Variants in TTC28 observed in about 807,000 individuals in gnomAD.
TTC28 encodes the protein tetratricopeptide repeat protein 28.
A neutral mutation model predicts 198.0 loss-of-function variants in TTC28; 61 were observed. The observed-to-expected ratio is 0.31, with a 90% CI of 0.25 to 0.38. The LOEUF is 0.38. TTC28 is among the 10% of genes least tolerant of loss of function. The pLI, the probability that TTC28 is intolerant of heterozygous loss-of-function variation, is 1.00. For synonymous variants in TTC28, 1,171 were observed against 1,297.8 expected (o/e 0.90, Z 2.10); for missense variants, 2,678 against 3,164.0 (o/e 0.85, Z 3.69).
At chr22:28,536,391 G>C (rs569599071) in intron 2 of TTC28, among the ~76,000 whole-genome samples, 1 of 151,630 alleles carries the variant, frequency 6.6e-6, no homozygotes, top group East Asian at 1.9e-4. Flanking sequence ...TTGGGAGGCC[G>C]AGGCGGGCGG....
At chr22:28,663,210 T>TGCA (rs2051778423) in intron 1 of TTC28, among the ~76,000 whole-genome samples, 1 of 145,830 alleles carries the variant, frequency 6.9e-6, no homozygotes, top group African/African-American at 2.6e-5. Flanking sequence ...ATAGTGCCGC[T>TGCA]GCACTCCAGC....
Position 28,014,285 on chromosome 22 carries a change from C to T in TTC28, c.4181G>A (p.Arg1394His), listed in dbSNP as rs1402461034. Residue 1394 changes from arginine to histidine, a missense_variant, in exon 14 of 23, where the codon CGT (arginine) becomes CAT (histidine). Transcript: ENST00000397906. Reference protein sequence around the residue: ...RQSSFAKPPLRALYDLLIAPM... With the variant: ...RQSSFAKPPLHALYDLLIAPM... ...CGCGATGAGCAGGTCATACAGGGCACGGAGCGGGGGCTTGGCAAACGAGCT... is the reference window on the plus strand; with the variant it reads ...CGCGATGAGCAGGTCATACAGGGCATGGAGCGGGGGCTTGGCAAACGAGCT... 3.3e-5 allele frequency: 51 copies of T among 1,551,584 alleles called. No homozygotes were observed. Among genetic ancestry groups the T allele is most frequent in the Non-Finnish European group, 4.4e-5 (50 of 1,146,956 alleles).
rs910414913 is a variant in TTC28 at position 28,583,995 on chromosome 22, G to T, written c.381+45557C>A. Among the ~76,000 whole-genome samples the T allele has an allele frequency of 3.7e-3, 463 of 125,230 alleles. 2 individuals carry two copies. The highest frequency in any genetic ancestry group is 0.012 in the African/African-American group (393 of 33,914). 82.2% of individuals were successfully genotyped at this position (125,230 alleles called of 152,430 possible). A position where few individuals can be genotyped will look rare whatever the true frequency, so the allele number is the denominator to read the frequency against. On this transcript the variant is annotated intron_variant, in intron 2 of 22. Coordinates refer to ENST00000397906, the MANE Select transcript of TTC28 (RefSeq NM_001145418.2). ...TTCTCTCTTTCTCCGTTTTTTTTTTGTTTTGTTTTTGTTTTGTTTTGTTTT... is the reference window on the plus strand; with the variant it reads ...TTCTCTCTTTCTCCGTTTTTTTTTTTTTTTGTTTTTGTTTTGTTTTGTTTT...
chr22:28,567,866 C>T (rs948616834), intron 2 of TTC28, among the ~76,000 whole-genome samples: 9 of 151,846 alleles, frequency 5.9e-5, no homozygotes, highest in Non-Finnish European at 1.0e-4. Context: ...GGGGAACGAG[C>T]GCTCAATCCT....
At chr22:28,129,740 T>C (rs1051940902) in intron 6 of TTC28, among the ~76,000 whole-genome samples, 1 of 152,186 alleles carries the variant, frequency 6.6e-6, no homozygotes, top group Non-Finnish European at 1.5e-5. Flanking sequence ...TGATGTCACT[T>C]TTTCCTATGT....
chr22:28,674,536 G>A (rs542676416), intron 1 of TTC28, among the ~76,000 whole-genome samples: 14 of 152,168 alleles, frequency 9.2e-5, no homozygotes, highest in African/African-American at 3.4e-4. Context: ...GTTAAGACCT[G>A]TTGGCTGGAG....
At chr22:28,427,560 A>G (rs1428953044) in intron 2 of TTC28, among the ~76,000 whole-genome samples, 5 of 152,226 alleles carry the variant, frequency 3.3e-5, no homozygotes, top group African/African-American at 1.2e-4. Context: ...GCACTGAGGC[A>G]GGAGAATCGC....
chr22:28,577,318 T>G (rs1391157092), intron 2 of TTC28, among the ~76,000 whole-genome samples: 1 of 152,142 alleles, frequency 6.6e-6, no homozygotes, highest in Middle Eastern at 3.2e-3. Context: ...TTTATTCCAT[T>G]GTGCTCAGAG....
intron 5 of TTC28, among the ~76,000 whole-genome samples, chr22:28,257,942 T>G (rs1467777822): frequency 6.6e-6 from 1 of 151,728 alleles, no homozygotes; most frequent in Admixed American, 6.6e-5. Flanking sequence ...CTCAGAAATC[T>G]TACTCCCTTT....
intron 2 of TTC28, among the ~76,000 whole-genome samples, chr22:28,447,261 T>C (rs1172689286): frequency 6.6e-6 from 1 of 151,808 alleles, no homozygotes; most frequent in Non-Finnish European, 1.5e-5. Flanking sequence ...AAAAAGGGAA[T>C]TGTGAGGATT....
At chr22:28,335,330 C>A (rs896535384) in intron 2 of TTC28, among the ~76,000 whole-genome samples, 5 of 152,132 alleles carry the variant, frequency 3.3e-5, no homozygotes, top group African/African-American at 1.2e-4. Flanking sequence ...ATTGACTTGG[C>A]AATGCGGGCT....
chr22:28,350,492 A>T (rs1472462542), intron 2 of TTC28, among the ~76,000 whole-genome samples: 1 of 152,196 alleles, frequency 6.6e-6, no homozygotes, highest in Non-Finnish European at 1.5e-5. Flanking sequence ...TTTAGCTTTG[A>T]TGGAATATTT....
rs959891171 is a variant in TTC28, at chr22:28,163,300, G to A, written c.1233C>T (p.Asp411=). 1.3e-6 allele frequency: 2 copies of A among 1,552,012 alleles called. No homozygotes were observed. Among genetic ancestry groups the A allele is most frequent in the South Asian group, 2.4e-5 (2 of 84,062 alleles). ...GSAYHYRRNF[D]KAMSYHNYVL... ...CATAGTTATGGTAAGACATGGCCTT[G>A]TCAAAGTTCCTCCGGTAGTGATAGG... is the stretch of plus-strand genomic sequence containing the variant. Residue 411 remains aspartate (D), a synonymous_variant, in exon 6 of 23, where the codon GAC becomes GAT. Transcript: ENST00000397906.
intron 5 of TTC28, among the ~76,000 whole-genome samples, chr22:28,174,355 T>A (rs1344240204): frequency 6.6e-6 from 1 of 152,178 alleles, no homozygotes; most frequent in South Asian, 2.1e-4. Flanking sequence ...CCAACCAAGA[T>A]AATACGCACT....
At chr22:28,104,514 C>A (rs1569140644) in intron 8 of TTC28, among the ~76,000 whole-genome samples, 1 of 152,144 alleles carries the variant, frequency 6.6e-6, no homozygotes. Context: ...GTGAGAGGAT[C>A]CAATATGCCT....
At chr22:28,497,159 T>C (rs1478183522) in intron 2 of TTC28, among the ~76,000 whole-genome samples, 2 of 152,218 alleles carry the variant, frequency 1.3e-5, no homozygotes, top group African/African-American at 4.8e-5. Flanking sequence ...ATATTAAGTA[T>C]TTTAGTTTAC....
chr22:28,099,051 G>A lies in TTC28; in HGVS notation c.3418-7C>T. The A allele has an allele frequency of 6.4e-6, 10 of 1,551,928 alleles. No homozygotes were observed. Among genetic ancestry groups the A allele is most frequent in the Non-Finnish European group, 8.7e-6 (10 of 1,147,016 alleles). On this transcript the variant is annotated splice_polypyrimidine_tract_variant and splice_region_variant and intron_variant, in intron 9 of 22. Coordinates refer to ENST00000397906, the MANE Select transcript of TTC28 (RefSeq NM_001145418.2). ...AGGCTGATGCCCTATAAAGCTGCAA[G>A]GAGGGAGGAAGAACATCATCCATTC...
chr22:28,328,184 C>A lies in TTC28; in HGVS notation c.382-21541G>T, dbSNP rs144019445. ...AGGTAGCTCATGTCTACAATCCCAGCATTTGGTGAAGCCAAGGCGGGAGAA... is the reference window on the plus strand; with the variant it reads ...AGGTAGCTCATGTCTACAATCCCAGAATTTGGTGAAGCCAAGGCGGGAGAA... On this transcript the variant is annotated intron_variant, in intron 2 of 22. Coordinates refer to ENST00000397906, the MANE Select transcript of TTC28 (RefSeq NM_001145418.2). Among the ~76,000 whole-genome samples the A allele has an allele frequency of 3.7e-3, 559 of 152,240 alleles. 8 individuals are homozygous for A. In the South Asian group the frequency reaches 0.041, roughly 11 times the overall value.
At chr22:28,178,592 G>A (rs886415133) in intron 5 of TTC28, among the ~76,000 whole-genome samples, 18 of 152,156 alleles carry the variant, frequency 1.2e-4, no homozygotes, top group Non-Finnish European at 1.9e-4. Context: ...AAAGTATGTC[G>A]GAGTGTGTTA....
Sources: gnomAD v4.1 joint callset for allele counts (sites outside exome capture counted in the v4.1 genomes callset) on GRCh38, gnomAD v4.1.1 for gene constraint, MANE v1.5 for transcripts, NCBI Gene and HGNC (gene_info 2026-07-23, HGNC 2026-07-21) for gene names.